The following ABCD2 variants were observed in gnomAD, a reference collection of about 807,000 sequenced individuals.
ABCD2 encodes the protein ATP-binding cassette sub-family D member 2.
A neutral mutation model predicts 70.9 loss-of-function variants in ABCD2; 36 were observed. The ratio of observed to expected loss-of-function variants is 0.51; its 90% CI spans 0.39 to 0.67. The LOEUF (loss-of-function observed/expected upper bound fraction) is 0.67, where lower values mean the gene tolerates loss of function less well. ABCD2 is among the 30% of genes least tolerant of loss of function. The pLI is 0.00. For synonymous variants in ABCD2, 304 were observed against 306.9 expected (o/e 0.99, Z 0.10); for missense variants, 729 against 890.2 (o/e 0.82, Z 2.30).
intron 9 of ABCD2, among the ~76,000 whole-genome samples, chr12:39,559,979 C>G (rs866761878): frequency 6.6e-6 from 1 of 152,072 alleles, no homozygotes; most frequent in Non-Finnish European, 1.5e-5. Context: ...TCAGAATACT[C>G]AAATAATATA....
intron 7 of ABCD2, among the ~76,000 whole-genome samples, chr12:39,582,575 C>T (rs1360715057): frequency 6.6e-6 from 1 of 152,150 alleles, no homozygotes; most frequent in South Asian, 2.1e-4. Context: ...CAAACGTCCT[C>T]AAAATAACTT....
chr12:39,563,355 G>A (rs777524573), intron 9 of ABCD2, among the ~76,000 whole-genome samples: 7 of 152,036 alleles, frequency 4.6e-5, no homozygotes, highest in Non-Finnish European at 1.0e-4. Flanking sequence ...TCACACCTCT[G>A]CAGTCCAGCC....
At chr12:39,579,426 T>A (rs997739182) in intron 8 of ABCD2, 109 bp downstream of exon 8, 2 of 723,308 alleles carry the variant, frequency 2.8e-6, no homozygotes, top group African/African-American at 3.6e-5. Context: ...AAGATATTTT[T>A]AAGCTACAGA....
chr12:39,554,327 G>C (rs7133599), intron 9 of ABCD2, among the ~76,000 whole-genome samples, 196 bp from the exon 10 acceptor site: 17,078 of 151,934 alleles, frequency 0.11, 964 homozygotes, highest in East Asian at 0.16. Context: ...TGATCTTTAG[G>C]AAAATATTAT....
intron 2 of ABCD2, among the ~76,000 whole-genome samples, chr12:39,615,728 A>G (rs141916437): frequency 0.02 from 3,019 of 152,190 alleles, 45 homozygotes; most frequent in South Asian, 0.04. Flanking sequence ...TTTTGTAAGG[A>G]CTGGTTAAAA....
At position 39,552,475 on chromosome 12, in the gene ABCD2, GCA is replaced by G. The variant is rs1160760193; in HGVS notation, c.*1435_*1436del. 2.0e-5 allele frequency: 3 copies of G among 151,852 alleles called. No individual in the cohort carries two copies. The highest frequency in any genetic ancestry group is 7.2e-5 in the African/African-American group (3 of 41,398). The allele number at this position is 151,852 out of a possible 1,614,324, so 9.4% of individuals were successfully genotyped here. On this transcript the variant is annotated 3_prime_UTR_variant, in exon 10 of 10. Coordinates refer to ENST00000308666, the MANE Select transcript of ABCD2 (RefSeq NM_005164.4). ...TCAGTCTTGGCTTTCCAGCTCCAGT[GCA>G]CACAAATAGAATAAAATCTATTTCA...
chr12:39,549,315 G>T (rs910859183), downstream of ABCD2, among the ~76,000 whole-genome samples: 61 of 152,030 alleles, frequency 4.0e-4, no homozygotes, highest in African/African-American at 1.5e-3. Context: ...AAATACAAGA[G>T]CTGAGAAGAT....
intron 2 of ABCD2, among the ~76,000 whole-genome samples, chr12:39,608,615 G>A (rs1013568704): frequency 1.3e-5 from 2 of 152,094 alleles, no homozygotes; most frequent in Non-Finnish European, 2.9e-5. Flanking sequence ...TTGAACCCAG[G>A]AGGTGAAGGT....
intron 2 of ABCD2, among the ~76,000 whole-genome samples, chr12:39,612,670 TG>T (rs966642826): frequency 3.3e-5 from 5 of 152,202 alleles, no homozygotes; most frequent in African/African-American, 1.2e-4. Flanking sequence ...AGTACGCCTT[TG>T]ATATGTATTG....
In ABCD2 at chr12:39,552,177, C is replaced by T. The variant is rs1180055681; in HGVS notation, c.*1735G>A. 3 of 151,848 alleles carry T rather than the reference C, an allele frequency of 2.0e-5. No homozygotes were observed. The highest frequency in any genetic ancestry group is 4.4e-5 in the Non-Finnish European group (3 of 67,808). 9.4% of individuals were successfully genotyped at this position (151,848 alleles called of 1,614,324 possible). A position where few individuals can be genotyped will look rare whatever the true frequency, so the allele number is the denominator to read the frequency against. ...ACTGATTATAATTTTATATTGCATT[C>T]CTTCATGTAAGTTGGTTACATTTAT... On this transcript the variant is annotated 3_prime_UTR_variant, in exon 10 of 10. Transcript: ENST00000308666.
At chr12:39,607,473 A>G (rs1941984097) in intron 3 of ABCD2, 126 bp downstream of exon 3, 1 of 694,474 alleles carries the variant, frequency 1.4e-6, no homozygotes, top group Non-Finnish European at 2.5e-6. Context: ...AATCTTGATT[A>G]TACGCAGCAA....
chr12:39,617,349 G>C (rs552216028), intron 1 of ABCD2, among the ~76,000 whole-genome samples, 181 bp from the exon 2 acceptor site: 1 of 151,828 alleles, frequency 6.6e-6, no homozygotes, highest in Non-Finnish European at 1.5e-5. Flanking sequence ...CTACTCAGTG[G>C]ACATAATGTT....
intron 6 of ABCD2, among the ~76,000 whole-genome samples, chr12:39,593,799 A>G (rs1449776156): frequency 6.6e-6 from 1 of 152,228 alleles, no homozygotes; most frequent in African/African-American, 2.4e-5. Context: ...ATATCTCAAC[A>G]AGAATTCTGA....
intron 6 of ABCD2, among the ~76,000 whole-genome samples, chr12:39,595,683 A>G (rs1240272910): frequency 6.6e-6 from 1 of 152,242 alleles, no homozygotes; most frequent in Non-Finnish European, 1.5e-5. Context: ...AGTAGTAGTT[A>G]CTAGTTAGAA....
At chr12:39,618,212 T>C (rs891207710) in intron 1 of ABCD2, among the ~76,000 whole-genome samples, 3 of 152,140 alleles carry the variant, frequency 2.0e-5, no homozygotes, top group African/African-American at 7.2e-5. Flanking sequence ...ATGTCTTCTA[T>C]AAGAAACCCT....
At chr12:39,580,002 C>A (rs1434660513) in intron 7 of ABCD2, among the ~76,000 whole-genome samples, 3 of 152,254 alleles carry the variant, frequency 2.0e-5, no homozygotes, top group African/African-American at 7.2e-5. Flanking sequence ...AAGAAAGGAA[C>A]TAATTTAGGT....
chr12:39,586,481 T>A (rs1941668612), intron 6 of ABCD2, among the ~76,000 whole-genome samples, 184 bp from the exon 7 acceptor site: 1 of 152,210 alleles, frequency 6.6e-6, no homozygotes, highest in African/African-American at 2.4e-5. Context: ...TATGTTTACA[T>A]AAAAACTTAC....
chr12:39,605,969 A>G (rs1486676637), intron 3 of ABCD2, among the ~76,000 whole-genome samples: 1 of 152,176 alleles, frequency 6.6e-6, no homozygotes, highest in Non-Finnish European at 1.5e-5. Context: ...TTTCATTTCT[A>G]TATGTTAATG....
intron 6 of ABCD2, among the ~76,000 whole-genome samples, chr12:39,599,702 T>C (rs552505623): frequency 6.6e-6 from 1 of 152,292 alleles, no homozygotes; most frequent in South Asian, 2.1e-4. Context: ...GATTGTACAG[T>C]ACATTCAGGC....
Sources: allele counts gnomAD v4.1 joint callset (sites outside exome capture counted in the v4.1 genomes callset), GRCh38; gene constraint gnomAD v4.1.1; transcripts MANE v1.5; gene names NCBI Gene and HGNC (gene_info 2026-07-23, HGNC 2026-07-21).